Variants in PPP3R1 observed in about 807,000 individuals in gnomAD.
PPP3R1 encodes the protein calcineurin subunit B type 1.
PPP3R1 carries 5 observed loss-of-function variants against 22.6 expected under a neutral mutation model. The observed-to-expected ratio is 0.22, with a 90% CI of 0.12 to 0.46. The LOEUF is 0.46. Among genes scored for constraint, PPP3R1 ranks in the 20% least tolerant of loss-of-function variants. The pLI, the probability that PPP3R1 is intolerant of heterozygous loss-of-function variation, is 0.99. For synonymous variants in PPP3R1, 56 were observed against 65.2 expected, an observed-to-expected ratio of 0.86 and a Z score of 0.68; for missense variants, 61 against 203.2, an observed-to-expected ratio of 0.30 and a Z score of 4.25.
intron 2 of PPP3R1, among the ~76,000 whole-genome samples, chr2:68,206,409 G>C (rs187335489): frequency 2.2e-3 from 332 of 152,258 alleles, no homozygotes; most frequent in Middle Eastern, 0.014. Flanking sequence ...GCAGAGGTGA[G>C]GGGGGAGGCC....
At chr2:68,200,034 T>G (rs1017832459) in intron 2 of PPP3R1, among the ~76,000 whole-genome samples, 4 of 152,200 alleles carry the variant, frequency 2.6e-5, no homozygotes, top group Non-Finnish European at 5.9e-5. Context: ...CGTTTGACCT[T>G]ACTATTTTCT....
chr2:68,223,757 C>T (rs1262307711), intron 1 of PPP3R1, among the ~76,000 whole-genome samples: 2 of 147,974 alleles, frequency 1.4e-5, no homozygotes, highest in Non-Finnish European at 3.0e-5. Context: ...AAGATTCTCC[C>T]TAAGATTAGA....
intron 2 of PPP3R1, among the ~76,000 whole-genome samples, chr2:68,201,551 G>C (rs1216946317): frequency 2.0e-5 from 3 of 152,052 alleles, no homozygotes; most frequent in African/African-American, 7.2e-5. Context: ...CTGCTTTCTA[G>C]GCCTATGGCA....
intron 5 of PPP3R1, among the ~76,000 whole-genome samples, chr2:68,185,461 T>TTA (rs1558626467): frequency 5.4e-5 from 8 of 147,708 alleles, no homozygotes; most frequent in Non-Finnish European, 8.9e-5. Flanking sequence ...TATTTATAAT[T>TTA]TATATATTAT....
chr2:68,240,497 G>A (rs1670102136), intron 1 of PPP3R1, among the ~76,000 whole-genome samples: 1 of 152,178 alleles, frequency 6.6e-6, no homozygotes, highest in South Asian at 2.1e-4. Context: ...TGGGGAGACA[G>A]AAAGCGACCA....
chr2:68,222,460 C>T (rs564454674), intron 1 of PPP3R1, among the ~76,000 whole-genome samples: 4 of 152,304 alleles, frequency 2.6e-5, no homozygotes, highest in South Asian at 4.1e-4. Context: ...AACTGGTGAA[C>T]TAAGTAAAAC....
rs541532655 is a variant in PPP3R1, at chr2:68,184,612, T to C, written c.465+1856A>G. 2.0e-5 allele frequency among the ~76,000 whole-genome samples: 3 copies of C among 152,222 alleles called. No homozygotes were observed. The South Asian group carries it at 6.2e-4, about 31-fold the overall frequency. On this transcript the variant is annotated intron_variant, in intron 5 of 5. Coordinates refer to ENST00000234310, the MANE Select transcript of PPP3R1 (RefSeq NM_000945.4). ...TAAAGTACATATATAGTATGCAATC[T>C]TTTAAAATAACTTCCAATCTTTCAC...
chr2:68,186,713 G>T, intron 4 of PPP3R1, 61 bp from the exon 5 acceptor site: 1 of 1,375,076 alleles, frequency 7.3e-7, no homozygotes, highest in Non-Finnish European at 1.0e-6. Context: ...AATGCTTTCA[G>T]TAAGAAAGAA....
intron 2 of PPP3R1, among the ~76,000 whole-genome samples, chr2:68,216,481 A>ATTTT (rs772384738): frequency 0.37 from 56,596 of 151,362 alleles, 11,577 homozygotes; most frequent in South Asian, 0.62. Flanking sequence ...AAAAATTAAA[A>ATTTT]AAAAAAAAGG....
chr2:68,187,416 A>G, intron 3 of PPP3R1, 102 bp from the exon 4 acceptor site: 1 of 1,009,416 alleles, frequency 9.9e-7, no homozygotes, highest in Non-Finnish European at 1.5e-6. Context: ...CCTTGCTGCA[A>G]AACAGAAGTA....
At chr2:68,227,580 GAA>G (rs748780568) in intron 1 of PPP3R1, among the ~76,000 whole-genome samples, 1 of 141,916 alleles carries the variant, frequency 7.0e-6, no homozygotes. Context: ...TTTTAGGAGG[GAA>G]AAAAAAAAAA....
intron 1 of PPP3R1, among the ~76,000 whole-genome samples, chr2:68,235,154 G>C (rs1039546700): frequency 2.0e-5 from 3 of 152,204 alleles, no homozygotes; most frequent in African/African-American, 4.8e-5. Context: ...TTATGGGTCA[G>C]CAAGCTTTGG....
intron 2 of PPP3R1, 81 bp downstream of exon 2, chr2:68,217,011 T>TACACAC (rs66891931): frequency 1.4e-4 from 106 of 771,106 alleles, no homozygotes; most frequent in Non-Finnish European, 1.7e-4. Flanking sequence ...AGAGGTATGA[T>TACACAC]ACACACACAC....
intron 1 of PPP3R1, among the ~76,000 whole-genome samples, chr2:68,217,993 A>T (rs1303500557): frequency 6.6e-6 from 1 of 152,130 alleles, no homozygotes; most frequent in Non-Finnish European, 1.5e-5. Context: ...TAAAACAGTA[A>T]TATCTCAAGT....
chr2:68,191,790 TA>T (rs1376413742), intron 2 of PPP3R1, among the ~76,000 whole-genome samples: 2 of 152,208 alleles, frequency 1.3e-5, no homozygotes, highest in Non-Finnish European at 2.9e-5. Flanking sequence ...ATCCCTCTAT[TA>T]AAGAGTATTC....
chr2:68,231,324 T>G (rs757184903), intron 1 of PPP3R1, among the ~76,000 whole-genome samples: 2 of 54,996 alleles, frequency 3.6e-5, no homozygotes, highest in Non-Finnish European at 4.0e-5. Context: ...TACTATTTGG[T>G]CTTTCTTTAT....
At chr2:68,213,840 C>T (rs780177947) in intron 2 of PPP3R1, among the ~76,000 whole-genome samples, 5 of 151,996 alleles carry the variant, frequency 3.3e-5, no homozygotes, top group Non-Finnish European at 5.9e-5. Flanking sequence ...TTTTAAAATC[C>T]GTATGGAACC....
chr2:68,224,910 T>C (rs546581565), intron 1 of PPP3R1, among the ~76,000 whole-genome samples: 21 of 152,192 alleles, frequency 1.4e-4, no homozygotes, highest in African/African-American at 4.6e-4. Context: ...AAAGATATGA[T>C]TAACATCAAA....
At chr2:68,220,067 T>C (rs1669657730) in intron 1 of PPP3R1, among the ~76,000 whole-genome samples, 1 of 152,164 alleles carries the variant, frequency 6.6e-6, no homozygotes, top group South Asian at 2.1e-4. Context: ...AAACAACATT[T>C]ATCAGGCATT....
Sources: gnomAD v4.1 joint callset for allele counts (sites outside exome capture counted in the v4.1 genomes callset) on GRCh38, gnomAD v4.1.1 for gene constraint, MANE v1.5 for transcripts, NCBI Gene and HGNC (gene_info 2026-07-23, HGNC 2026-07-21) for gene names.